PTPN9: variants seen among roughly 807,000 people sequenced by gnomAD.
PTPN9 encodes protein tyrosine phosphatase non-receptor type 9.
Under a neutral mutation model 69.8 loss-of-function variants are expected in PTPN9, and 26 were observed. The observed-to-expected ratio is 0.37, with a 90% CI of 0.27 to 0.52. PTPN9 has a LOEUF of 0.52. Among genes scored for constraint, PTPN9 ranks in the 20% least tolerant of loss-of-function variants. PTPN9 has a pLI of 0.91. For synonymous variants in PTPN9, 274 were observed against 272.5 expected (o/e 1.01, Z -0.05); for missense variants, 549 against 740.3 (o/e 0.74, Z 3.00).
chr15:75,571,128 C>T (rs950577435), intron 1 of PTPN9, among the ~76,000 whole-genome samples: 6 of 151,952 alleles, frequency 3.9e-5, no homozygotes, highest in South Asian at 2.1e-4. Flanking sequence ...GGTATGGTGG[C>T]GGGCACCTGT....
chr15:75,491,869 A>G (rs1237602417), intron 7 of PTPN9, among the ~76,000 whole-genome samples: 1 of 152,192 alleles, frequency 6.6e-6, no homozygotes, highest in East Asian at 1.9e-4. Flanking sequence ...TTATTTGTCA[A>G]AAGATGTTCA....
chr15:75,554,953 C>G (rs180868931), intron 1 of PTPN9, among the ~76,000 whole-genome samples: 2 of 152,302 alleles, frequency 1.3e-5, no homozygotes, highest in East Asian at 1.9e-4. Flanking sequence ...ATCAGAACAG[C>G]CTGGGTCTTG....
At chr15:75,497,239 T>G (rs1015592518) in intron 7 of PTPN9, among the ~76,000 whole-genome samples, 2 of 152,060 alleles carry the variant, frequency 1.3e-5, no homozygotes, top group Non-Finnish European at 1.5e-5. Flanking sequence ...CCTAAAATCC[T>G]AGTGCTTTGG....
intron 1 of PTPN9, among the ~76,000 whole-genome samples, chr15:75,532,292 C>T (rs1197119811): frequency 6.6e-6 from 1 of 151,756 alleles, no homozygotes; most frequent in Non-Finnish European, 1.5e-5. Flanking sequence ...ATCCCAGCTA[C>T]GTGGGAGGCT....
At chr15:75,486,872 C>G (rs1395733360) in intron 8 of PTPN9, among the ~76,000 whole-genome samples, 1 of 151,254 alleles carries the variant, frequency 6.6e-6, no homozygotes, top group East Asian at 1.9e-4. Flanking sequence ...GCAAGCTCCG[C>G]CTCCCAGGTT....
intron 8 of PTPN9, chr15:75,480,721 G>A: frequency 1.5e-6 from 2 of 1,308,878 alleles, no homozygotes; most frequent in Non-Finnish European, 2.0e-6. Context: ...CCGGGAGGAT[G>A]GAGTTCAGCG....
chr15:75,522,822 C>T (rs975019905), intron 4 of PTPN9, among the ~76,000 whole-genome samples: 9 of 152,174 alleles, frequency 5.9e-5, no homozygotes, highest in Non-Finnish European at 1.3e-4. Context: ...CAGCACAGGT[C>T]ATCTCCCCCT....
chr15:75,484,867 A>G (rs1276641310), intron 8 of PTPN9, among the ~76,000 whole-genome samples: 1 of 152,158 alleles, frequency 6.6e-6, no homozygotes, highest in African/African-American at 2.4e-5. Context: ...TAACCTCCTA[A>G]GATATCTCCA....
rs750556543 is a variant in PTPN9, at chr15:75,527,232, G to A, written c.93C>T (p.Asn31=). 1 of 1,614,110 alleles carries A rather than the reference G, an allele frequency of 6.2e-7. No individual in the cohort carries two copies. Among genetic ancestry groups the A allele is most frequent in the Non-Finnish European group, 8.5e-7 (1 of 1,179,994 alleles). Residue 31 remains asparagine, a synonymous_variant, in exon 2 of 13, where the codon AAC becomes AAT. Coordinates refer to ENST00000618819, the MANE Select transcript of PTPN9 (RefSeq NM_002833.4). ...QATKQFLEEI[N]KWTVQYNVSP... ...AAACATTGTACTGAACTGTCCACTTGTTAATCTCTTCGAGAAACTGCTTGG... is the reference window on the plus strand; with the variant it reads ...AAACATTGTACTGAACTGTCCACTTATTAATCTCTTCGAGAAACTGCTTGG...
At chr15:75,502,776 C>T (rs1442710010) in intron 7 of PTPN9, among the ~76,000 whole-genome samples, 1 of 152,130 alleles carries the variant, frequency 6.6e-6, no homozygotes, top group Non-Finnish European at 1.5e-5. Flanking sequence ...CAGACCAGCA[C>T]TCACACTGAG....
In PTPN9 at chr15:75,578,917, TG is replaced by T; in HGVS notation, c.-142del. On this transcript the variant is annotated 5_prime_UTR_variant, in exon 1 of 13. Coordinates refer to ENST00000618819, the MANE Select transcript of PTPN9 (RefSeq NM_002833.4). The stretch of plus-strand genomic sequence containing the variant: ...AGTGTGGCCGGCAGGGCCCGGCGCC[TG>T]CAGCGGCCGCAAACGCCGCTTCTGC... 1 of 422,586 alleles carries T rather than the reference TG, an allele frequency of 2.4e-6. No individual in the cohort carries two copies. The highest frequency in any genetic ancestry group is 5.0e-5 in the Admixed American group (1 of 19,870). The allele number at this position is 422,586 out of a possible 1,614,324, so 26.2% of individuals were successfully genotyped here.
intron 7 of PTPN9, among the ~76,000 whole-genome samples, chr15:75,491,412 A>T (rs1045866313): frequency 6.6e-5 from 10 of 151,894 alleles, no homozygotes; most frequent in Non-Finnish European, 1.3e-4. Flanking sequence ...CAAAAAAAAA[A>T]AAAAATAATT....
At chr15:75,557,107 G>T (rs1400681346) in intron 1 of PTPN9, among the ~76,000 whole-genome samples, 1 of 152,116 alleles carries the variant, frequency 6.6e-6, no homozygotes, top group Non-Finnish European at 1.5e-5. Context: ...GGACACTTGG[G>T]TTGTTCCACC....
chr15:75,558,964 T>G (rs1192039744), intron 1 of PTPN9, among the ~76,000 whole-genome samples: 2 of 152,112 alleles, frequency 1.3e-5, no homozygotes, highest in East Asian at 3.9e-4. Context: ...GTCTGGGAAG[T>G]GAGGAGCGTC....
chr15:75,493,850 T>C (rs1018143453), intron 7 of PTPN9, among the ~76,000 whole-genome samples: 1 of 152,078 alleles, frequency 6.6e-6, no homozygotes, highest in African/African-American at 2.4e-5. Flanking sequence ...CAGCAAACTA[T>C]GCCCTGGCCA....
rs376495976 is a variant in PTPN9 at position 75,505,818 on chromosome 15, C to G, written c.825G>C (p.Trp275Cys). ...ILFSLPPALDWDSVHVPGPHA... is the reference protein window; with the variant it reads ...ILFSLPPALDCDSVHVPGPHA... Reference sequence around the variant, plus strand: ...GGGGACCTGGAACATGTACTGAGTCCCAGTCTAAGGCAGGAGGGAGGGAGA... The same window carrying G: ...GGGGACCTGGAACATGTACTGAGTCGCAGTCTAAGGCAGGAGGGAGGGAGA... The change falls in exon 7 of 13, where the codon TGG becomes TGC. Residue 275 changes from tryptophan to cysteine, a missense_variant. This residue lies in a region of PTPN9 where 457 missense variants were observed against 661.9 expected (regional missense o/e 0.69). Coordinates refer to ENST00000618819, the MANE Select transcript of PTPN9 (RefSeq NM_002833.4). The G allele has an allele frequency of 3.1e-6, 5 of 1,613,934 alleles. No individual in the cohort carries two copies. The highest frequency in any genetic ancestry group is 4.2e-6 in the Non-Finnish European group (5 of 1,180,010).
At chr15:75,503,810 G>A in intron 7 of PTPN9, among the ~76,000 whole-genome samples, 1 of 121,716 alleles carries the variant, frequency 8.2e-6, no homozygotes, top group Admixed American at 7.7e-5. Flanking sequence ...GAGGTGGGGG[G>A]GTCAGCCCCC....
At chr15:75,559,051 T>A (rs1416708350) in intron 1 of PTPN9, among the ~76,000 whole-genome samples, 1 of 151,494 alleles carries the variant, frequency 6.6e-6, no homozygotes, top group Non-Finnish European at 1.5e-5. Context: ...GAGGAGCACC[T>A]CTTCCCGGCC....
chr15:75,534,909 G>A (rs1377282085), intron 1 of PTPN9, among the ~76,000 whole-genome samples: 1 of 152,064 alleles, frequency 6.6e-6, no homozygotes, highest in Non-Finnish European at 1.5e-5. Context: ...GGAGGCAGAG[G>A]CTGCAGTAAG....
Sources: allele counts gnomAD v4.1 joint callset (sites outside exome capture counted in the v4.1 genomes callset), GRCh38; gene constraint gnomAD v4.1.1; regional missense constraint gnomAD v4.1.1; transcripts MANE v1.5; gene names NCBI Gene and HGNC (gene_info 2026-07-23, HGNC 2026-07-21).